SGSH: variants seen among roughly 807,000 people sequenced by gnomAD.
SGSH encodes the protein heparan sulfate sulfatase.
A neutral mutation model predicts 51.0 loss-of-function variants in SGSH; 48 were observed. The ratio of observed to expected loss-of-function variants is 0.94; its 90% CI spans 0.75 to 1.20. The LOEUF (loss-of-function observed/expected upper bound fraction) is 1.20. Among genes scored for constraint, SGSH ranks in the 50% most tolerant of loss-of-function variants. The pLI is 0.00. For synonymous variants in SGSH, 321 were observed against 313.4 expected (o/e 1.02, Z -0.26); for missense variants, 662 against 717.8 (o/e 0.92, Z 0.89).
At chr17:80,204,352 G>T (rs1335535850), downstream of SGSH, 2 of 1,547,868 alleles carry the variant, frequency 1.3e-6, no homozygotes, top group Non-Finnish European at 1.8e-6. Context: ...GTGAGGCCTG[G>T]TGAGCTGGCA....
At position 80,214,583 on chromosome 17, in the gene SGSH, C is replaced by T. The variant is rs372073393; in HGVS notation, c.506+32G>A. 1.5e-3 allele frequency: 2,368 copies of T among 1,605,246 alleles called. 5 individuals are homozygous for T. Among genetic ancestry groups the T allele is most frequent in the Non-Finnish European group, 1.7e-3 (1,952 of 1,175,636 alleles). On this transcript the variant is annotated intron_variant, in intron 4 of 7. Transcript: ENST00000326317. ...CGGGCTGTGCTCTGGTACCGGCCGC[C>T]AGGGGGAAGGGGCAGGGGCCCCGAC...
rs760719845 is a variant in SGSH, at chr17:80,210,839, G to T, written c.1122C>A (p.Tyr374Ter). Residue 374 changes from tyrosine (Y) to a stop codon, truncating the protein, a stop_gained, in exon 8 of 8, where the codon TAC (tyrosine) becomes TAA (stop). Transcript: ENST00000326317. LOFTEE classifies it high-confidence loss of function. The part of the protein sequence containing the change: ...SQSHHEVTMS[Y>*]PMRSVQHRHF... ...GCCGGTGCTGCACGGAGCGCATGGG[G>T]TAGGACATGGTGACCTCGTGGTGGC... The T allele has an allele frequency of 6.2e-7, 1 of 1,613,948 alleles. No individual in the cohort carries two copies. Among genetic ancestry groups the T allele is most frequent in the South Asian group, 1.1e-5 (1 of 91,090 alleles).
chr17:80,204,516 C>G (rs967348270), downstream of SGSH: 5 of 556,888 alleles, frequency 9.0e-6, no homozygotes, highest in Non-Finnish European at 6.0e-6. Flanking sequence ...CCCAGATACT[C>G]GGGAGGCTGA....
In SGSH at chr17:80,212,287, G is replaced by A. The variant is rs565605266; in HGVS notation, c.746-13C>T. ...ACCAGTCCAACTCCTGTGGTGAGGG[G>A]CCGAGAAGCAGAGCTCAGCCGCAGA... is the stretch of plus-strand genomic sequence containing the variant. On this transcript the variant is annotated splice_polypyrimidine_tract_variant and intron_variant, in intron 6 of 7. Coordinates refer to ENST00000326317, the MANE Select transcript of SGSH (RefSeq NM_000199.5). The surrounding 1 kb of genome is among the most constrained non-coding windows in gnomAD (Gnocchi z 5.9). 3.8e-6 allele frequency: 6 copies of A among 1,594,898 alleles called. No homozygotes were observed. The African/African-American group carries it at 8.0e-5, about 21-fold the overall frequency.
In SGSH at chr17:80,210,322, G is replaced by A; in HGVS notation, c.*130C>T. The A allele has an allele frequency of 6.9e-7, 1 of 1,442,476 alleles. No individual in the cohort carries two copies. The highest frequency in any genetic ancestry group is 9.1e-7 in the Non-Finnish European group (1 of 1,101,152). 89.4% of individuals were successfully genotyped at this position (1,442,476 alleles called of 1,614,324 possible). ...GCAAGAGTGACCCCACAGGAAGGAA[G>A]AACCCTCCTTGGATGGGAGTGTGGA... On this transcript the variant is annotated 3_prime_UTR_variant, in exon 8 of 8. Coordinates refer to ENST00000326317, the MANE Select transcript of SGSH (RefSeq NM_000199.5).
downstream of SGSH, chr17:80,203,866 A>G: frequency 1.9e-6 from 3 of 1,597,262 alleles, no homozygotes; most frequent in Non-Finnish European, 2.6e-6. This position sits in a 1 kb window ranked among gnomAD's most constrained non-coding sequence, Gnocchi z 4.6. Flanking sequence ...ATGACTCAGC[A>G]GTGCACCGTG....
At chr17:80,217,278 G>T in intron 1 of SGSH, 86 bp from the exon 2 acceptor site, 1 of 1,485,876 alleles carries the variant, frequency 6.7e-7, no homozygotes, top group Non-Finnish European at 9.1e-7. Flanking sequence ...GGACTGTGAT[G>T]CCAGAAGGCG....
Position 80,220,331 on chromosome 17 carries a change from C to CTCGGGA in SGSH, c.-19_-18insTCCCGA, listed in dbSNP as rs1192747922. On this transcript the variant is annotated 5_prime_UTR_variant, in exon 1 of 8. Transcript: ENST00000326317. ...CAGCTCATGGCGGCGGCGGCTCGGA[C>CTCGGGA]TCGGGATCGGGATCCGGCTCCGGCT... The CTCGGGA allele has an allele frequency of 4.7e-6, 7 of 1,481,988 alleles. No individual in the cohort carries two copies. Among genetic ancestry groups the CTCGGGA allele is most frequent in the Admixed American group, 2.2e-5 (1 of 45,178 alleles). The allele number at this position is 1,481,988 out of a possible 1,614,324, so 91.8% of individuals were successfully genotyped here. A position where few individuals can be genotyped will look rare whatever the true frequency, so the allele number is the denominator to read the frequency against.
intron 4 of SGSH, 104 bp downstream of exon 4, chr17:80,214,511 C>A (rs1022655690): frequency 6.6e-6 from 9 of 1,356,054 alleles, no homozygotes; most frequent in Middle Eastern, 3.9e-4. Context: ...TTCTCCCCTG[C>A]CCCCATTCGA....
In SGSH at chr17:80,215,036, T is replaced by C. The variant is rs2041835586; in HGVS notation, c.352A>G (p.Thr118Ala). 6 of 1,609,934 alleles carry C rather than the reference T, an allele frequency of 3.7e-6. No individual in the cohort carries two copies. Among genetic ancestry groups the C allele is most frequent in the East Asian group, 2.2e-5 (1 of 44,874 alleles). The change falls in exon 3 of 8, where the codon ACA becomes GCA. Residue 118 changes from threonine (T) to alanine (A), a missense_variant. Physicochemically the swap from Thr to Ala is moderately conservative, Grantham distance 58. Coordinates refer to ENST00000326317, the MANE Select transcript of SGSH (RefSeq NM_000199.5). The part of the protein sequence containing the change: ...PLLLSQAGVR[T>A]GIIGKKHVGP... ...GTCCTCGGCACGGGGTCCTCACCTGTGCGCACACCAGCTTGGCTGAGCAGC... is the reference window on the plus strand; with the variant it reads ...GTCCTCGGCACGGGGTCCTCACCTGCGCGCACACCAGCTTGGCTGAGCAGC...
rs963116112 is a variant in SGSH at position 80,209,645 on chromosome 17, G to A, written c.*807C>T. On this transcript the variant is annotated 3_prime_UTR_variant, in exon 8 of 8. Transcript: ENST00000326317. ...GCCACCCAGCAACGCCAGTGTCACC[G>A]AAGAATTAACCCAAGCCAGAGGACG... 2.2e-4 allele frequency: 205 copies of A among 941,944 alleles called. No homozygotes were observed. Among genetic ancestry groups the A allele is most frequent in the Non-Finnish European group, 2.4e-4 (191 of 791,194 alleles). 58.3% of individuals were successfully genotyped at this position (941,944 alleles called of 1,614,324 possible). A position where few individuals can be genotyped will look rare whatever the true frequency, so the allele number is the denominator to read the frequency against.
At chr17:80,208,584 G>A (rs1567910329), downstream of SGSH, 4 of 459,962 alleles carry the variant, frequency 8.7e-6, no homozygotes, top group Admixed American at 4.1e-5. Flanking sequence ...GCTTGGCATG[G>A]TCTGAACTGG....
At chr17:80,206,296 T>TCTAAAAAAAAATTTCAA (rs1555618129), downstream of SGSH, among the ~76,000 whole-genome samples, 2 of 151,260 alleles carry the variant, frequency 1.3e-5, no homozygotes, top group Non-Finnish European at 2.9e-5. Flanking sequence ...GAGACCCGTC[T>TCTAAAAAAAAATTTCAA]CTAAAAAAAA....
chr17:80,214,000 C>T lies in SGSH; in HGVS notation c.664-115G>A, dbSNP rs938321209. The stretch of plus-strand genomic sequence containing the variant: ...TAGCCCAGAACAGCCTCACTCCGGA[C>T]CACCCCGTCTCTCTACGGTTCTCTC... On this transcript the variant is annotated intron_variant, in intron 5 of 7. Transcript: ENST00000326317. The surrounding 1 kb of genome is among the most constrained non-coding windows in gnomAD (Gnocchi z 4.6). 6.1e-6 allele frequency: 8 copies of T among 1,312,966 alleles called. No homozygotes were observed. The highest frequency in any genetic ancestry group is 6.4e-6 in the Non-Finnish European group (6 of 939,578). The allele number at this position is 1,312,966 out of a possible 1,614,324, so 81.3% of individuals were successfully genotyped here.
In SGSH at chr17:80,213,767, G is replaced by A. The variant is rs752502301; in HGVS notation, c.745+37C>T. On this transcript the variant is annotated intron_variant, in intron 6 of 7. Transcript: ENST00000326317. The surrounding 1 kb of genome is among the most constrained non-coding windows in gnomAD (Gnocchi z 4.6). ...TGGCCCAGGATGGGGGACCCCGGCC[G>A]TGGCACCCCCTCCAGTGCCCGGTTC... 34 of 1,551,464 alleles carry A rather than the reference G, an allele frequency of 2.2e-5. No homozygotes were observed. Among genetic ancestry groups the A allele is most frequent in the East Asian group, 2.3e-5 (1 of 43,768 alleles).
In SGSH at chr17:80,212,180, G is replaced by C. The variant is rs146904798; in HGVS notation, c.840C>G (p.Ser280Arg). Reference protein sequence around the residue: ...FTSDNGIPFPSGRTNLYWPGT... With the variant: ...FTSDNGIPFPRGRTNLYWPGT... ...CCGGCCAGTACAGGTTGGTCCTGCC[G>C]CTGGGGAAGGGGATCCCGTTGTCGG... The change falls in exon 7 of 8, where the codon AGC becomes AGG. Residue 280 changes from serine (S) to arginine (R), a missense_variant. Coordinates refer to ENST00000326317, the MANE Select transcript of SGSH (RefSeq NM_000199.5). This position sits in a 1 kb window ranked among gnomAD's most constrained non-coding sequence, Gnocchi z 5.9. 1.2e-6 allele frequency: 2 copies of C among 1,613,500 alleles called. No homozygotes were observed. Among genetic ancestry groups the C allele is most frequent in the African/African-American group, 1.3e-5 (1 of 75,038 alleles).
rs190505648 is a variant in SGSH, at chr17:80,210,511, C to T, written c.1450G>A (p.Asp484Asn). 6.1e-5 allele frequency: 98 copies of T among 1,608,736 alleles called. 1 individual carries two copies. The East Asian group carries it at 1.2e-3, about 20-fold the overall frequency. Residue 484 changes from aspartate (D) to asparagine (N), a missense_variant, in exon 8 of 8, where the codon GAC becomes AAC. Transcript: ENST00000326317. ...GAGAGCTTCTCCTCCAGGACGCCGT[C>T]GGGGGCGCACACCCAGGGGTCGTGG... is the stretch of plus-strand genomic sequence containing the variant. ...ETHDPWVCAP[D>N]GVLEEKLSPQ...
rs183370893 is a variant in SGSH at position 80,214,456 on chromosome 17, A to C, written c.507-128T>G. The C allele has an allele frequency of 1.8e-4, 241 of 1,325,998 alleles. No homozygotes were observed. In the East Asian group the frequency reaches 5.7e-3, roughly 31 times the overall value. 82.1% of individuals were successfully genotyped at this position (1,325,998 alleles called of 1,614,324 possible). ...TGACCCTCACTGCCTCAGTTTCCCC[A>C]CGTCCCTTCTCCCTCTGACCAGGCT... is the stretch of plus-strand genomic sequence containing the variant. On this transcript the variant is annotated intron_variant, in intron 4 of 7. Transcript: ENST00000326317.
downstream of SGSH, chr17:80,202,629 G>T (rs1222866374): frequency 9.9e-6 from 14 of 1,411,526 alleles, no homozygotes; most frequent in Non-Finnish European, 1.3e-5. Flanking sequence ...GTTCATTCTA[G>T]AACATTCTAG....
Sources: gnomAD v4.1 joint callset for allele counts (sites outside exome capture counted in the v4.1 genomes callset) on GRCh38, gnomAD v4.1.1 for gene constraint, Gnocchi (gnomAD v3.1) non-coding constraint, MANE v1.5 for transcripts, NCBI Gene and HGNC (gene_info 2026-07-23, HGNC 2026-07-21) for gene names.